TTC24: variants seen among roughly 807,000 people sequenced by gnomAD.
TTC24 encodes the protein tetratricopeptide repeat protein 24.
In TTC24, 54 loss-of-function variants were observed where a neutral mutation model predicts 63.3. The ratio of observed to expected loss-of-function variants is 0.85; its 90% CI spans 0.69 to 1.07. The LOEUF is 1.07. Among genes scored for constraint, TTC24 ranks in the 50% least tolerant of loss-of-function variants. The probability of loss-of-function intolerance (pLI) is 0.00; values close to 1 mark genes in which losing one functional copy is unlikely to be tolerated. For synonymous variants in TTC24, 276 were observed against 304.3 expected (o/e 0.91, Z 0.97); for missense variants, 680 against 730.5 (o/e 0.93, Z 0.80).
chr1:156,580,903 C>T (rs1184524394), intron 1 of TTC24, among the ~76,000 whole-genome samples: 1 of 152,222 alleles, frequency 6.6e-6, no homozygotes, highest in Non-Finnish European at 1.5e-5. Flanking sequence ...GCAATTAACA[C>T]CACTATCCAT....
Position 156,583,504 on chromosome 1 carries a change from G to A in TTC24, c.1152+54G>A. On this transcript the variant is annotated intron_variant, in intron 5 of 10. Coordinates refer to ENST00000368236, the MANE Select transcript of TTC24 (RefSeq NM_001105669.4). This position sits in a 1 kb window ranked among gnomAD's most constrained non-coding sequence, Gnocchi z 4.0. ...CTCCCCTGCTATCCCTCTTCTGGCT[G>A]ACATTCCTGCCTTCACTCCTTGTCT... 1 of 1,418,992 alleles carries A rather than the reference G, an allele frequency of 7.0e-7. No individual in the cohort carries two copies. The allele number at this position is 1,418,992 out of a possible 1,614,324, so 87.9% of individuals were successfully genotyped here. A position where few individuals can be genotyped will look rare whatever the true frequency, so the allele number is the denominator to read the frequency against.
intron 1 of TTC24, among the ~76,000 whole-genome samples, chr1:156,580,021 G>T (rs1263173453): frequency 2.0e-5 from 3 of 152,156 alleles, no homozygotes; most frequent in African/African-American, 4.8e-5. Context: ...AAAAGCTTTT[G>T]CCCTTCAAGG....
In TTC24 at chr1:156,583,255, C is replaced by A. The variant is rs1677056775; in HGVS notation, c.1040-83C>A. On this transcript the variant is annotated intron_variant, in intron 4 of 10. Transcript: ENST00000368236. The surrounding 1 kb of genome is among the most constrained non-coding windows in gnomAD (Gnocchi z 4.0). Reference sequence around the variant, plus strand: ...CTGGCGGGGAGGCAGATGGGGGGAACTGAGGGTAGGGAGTGCCTCTGAGGG... The same window carrying A: ...CTGGCGGGGAGGCAGATGGGGGGAAATGAGGGTAGGGAGTGCCTCTGAGGG... The A allele has an allele frequency of 1.2e-6, 2 of 1,607,262 alleles. No individual in the cohort carries two copies. Among genetic ancestry groups the A allele is most frequent in the African/African-American group, 2.7e-5 (2 of 74,134 alleles).
At chr1:156,585,920 G>T in intron 9 of TTC24, 29 bp from the exon 10 acceptor site, 1 of 1,599,634 alleles carries the variant, frequency 6.3e-7, no homozygotes, top group Non-Finnish European at 8.6e-7. Context: ...AGAGGCACGT[G>T]ATGAATGTGT....
In TTC24 at chr1:156,581,774, TGGCCTGGTACCACAG is replaced by T; in HGVS notation, c.415_429del (p.Trp139_Ala143del). The stretch of plus-strand genomic sequence containing the variant: ...GCCCTCGGCGAGCTGCCTCAAGCTT[TGGCCTGGTACCACAG>T]GGCCCTGGGCCACTACCAGCCACAG... On this transcript the variant is annotated inframe_deletion, in exon 2 of 11. Coordinates refer to ENST00000368236, the MANE Select transcript of TTC24 (RefSeq NM_001105669.4). 1 of 1,551,664 alleles carries T rather than the reference TGGCCTGGTACCACAG, an allele frequency of 6.4e-7. No individual in the cohort carries two copies. The highest frequency in any genetic ancestry group is 1.4e-5 in the African/African-American group (1 of 73,182).
chr1:156,585,651 A>C (rs1677134843), intron 8 of TTC24, 62 bp from the exon 9 acceptor site: 2 of 1,192,208 alleles, frequency 1.7e-6, no homozygotes, highest in Non-Finnish European at 2.5e-6. Flanking sequence ...CTTGCAACTC[A>C]GGGAGCAGAG....
At chr1:156,581,340 C>A in intron 1 of TTC24, 21 bp from the exon 2 acceptor site, 2 of 1,453,928 alleles carry the variant, frequency 1.4e-6, no homozygotes, top group Non-Finnish European at 1.8e-6. Context: ...ACATACTGAG[C>A]CCTCTGTTCC....
rs1335130891 is a variant in TTC24, at chr1:156,581,915, A to G, written c.551A>G (p.Tyr184Cys). The G allele has an allele frequency of 1.6e-5, 24 of 1,548,100 alleles. No individual in the cohort carries two copies. Among genetic ancestry groups the G allele is most frequent in the Admixed American group, 4.0e-5 (2 of 50,350 alleles). The change falls in exon 2 of 11, where the codon TAT becomes TGT. Residue 184 changes from tyrosine (Y) to cysteine (C), a missense_variant. Physicochemically the swap from Tyr to Cys is radical, Grantham distance 194. Transcript: ENST00000368236. The stretch of plus-strand genomic sequence containing the variant: ...TGCCTGCAGGAAGCAAGCCAGGCCT[A>G]TGCTCAAGAGAGACAGCTGCGGGCC... ...AHCLQEASQA[Y>C]AQERQLRAAA...
chr1:156,580,074 A>G (rs1039627672), intron 1 of TTC24, among the ~76,000 whole-genome samples: 2 of 152,122 alleles, frequency 1.3e-5, no homozygotes, highest in African/African-American at 2.4e-5. Context: ...AGATGCTTGT[A>G]TTCAGGTTTA....
chr1:156,581,001 G>C (rs1340382681), intron 1 of TTC24, among the ~76,000 whole-genome samples: 1 of 152,068 alleles, frequency 6.6e-6, no homozygotes, highest in African/African-American at 2.4e-5. Context: ...ATCTAGTAGT[G>C]GGGGGAAGAC....
At position 156,583,247 on chromosome 1, in the gene TTC24, G is replaced by A; in HGVS notation, c.1039+77G>A. 6.2e-7 allele frequency: 1 copy of A among 1,609,380 alleles called. No homozygotes were observed. Among genetic ancestry groups the A allele is most frequent in the South Asian group, 1.1e-5 (1 of 90,720 alleles). ...CCTAGGGGCTGGCGGGGAGGCAGATGGGGGGAACTGAGGGTAGGGAGTGCC... is the reference window on the plus strand; with the variant it reads ...CCTAGGGGCTGGCGGGGAGGCAGATAGGGGGAACTGAGGGTAGGGAGTGCC... On this transcript the variant is annotated intron_variant, in intron 4 of 10. Transcript: ENST00000368236. This position sits in a 1 kb window ranked among gnomAD's most constrained non-coding sequence, Gnocchi z 4.0.
chr1:156,582,918 T>C, intron 3 of TTC24, 124 bp from the exon 4 acceptor site: 1 of 1,236,006 alleles, frequency 8.1e-7, no homozygotes, highest in Non-Finnish European at 1.1e-6. Context: ...CTCGGATGCA[T>C]CTGGAGTGTT....
chr1:156,582,182 C>T, intron 2 of TTC24, 49 bp from the exon 3 acceptor site: 13 of 1,508,958 alleles, frequency 8.6e-6, no homozygotes, highest in Non-Finnish European at 1.2e-5. Flanking sequence ...CTGTACCAGC[C>T]TCATTTATAT....
chr1:156,585,780 G>T lies in TTC24; in HGVS notation c.1524G>T (p.Lys508Asn). 6.2e-7 allele frequency: 1 copy of T among 1,613,946 alleles called. No individual in the cohort carries two copies. The highest frequency in any genetic ancestry group is 1.6e-4 in the Middle Eastern group (1 of 6,062). ...HLASSCPTFTKHTPCRGTVLG... is the reference protein window; with the variant it reads ...HLASSCPTFTNHTPCRGTVLG... ...CTTCTAGTTGCCCCACGTTTACCAA[G>T]CACACGCCCTGCAGAGGGACAGTCC... The change falls in exon 9 of 11, where the codon AAG (lysine) becomes AAT (asparagine). Residue 508 changes from lysine (K) to asparagine (N), a missense_variant. Coordinates refer to ENST00000368236, the MANE Select transcript of TTC24 (RefSeq NM_001105669.4).
Position 156,583,739 on chromosome 1 carries a change from C to G in TTC24, c.1153-58C>G, listed in dbSNP as rs979590721. ...TTCCTGTTTCCTTCTTCCCCAACCC[C>G]CAGAGGACCATAAGGTCCAGGCATT... On this transcript the variant is annotated intron_variant, in intron 5 of 10. Coordinates refer to ENST00000368236, the MANE Select transcript of TTC24 (RefSeq NM_001105669.4). This position sits in a 1 kb window ranked among gnomAD's most constrained non-coding sequence, Gnocchi z 4.0. 4 of 1,390,768 alleles carry G rather than the reference C, an allele frequency of 2.9e-6. No individual in the cohort carries two copies. In the Admixed American group the frequency reaches 6.0e-5, roughly 21 times the overall value. 86.2% of individuals were successfully genotyped at this position (1,390,768 alleles called of 1,614,324 possible). A position where few individuals can be genotyped will look rare whatever the true frequency, so the allele number is the denominator to read the frequency against.
Position 156,581,496 on chromosome 1 carries a change from T to C in TTC24, c.132T>C (p.His44=). 2.6e-6 allele frequency: 4 copies of C among 1,551,442 alleles called. No individual in the cohort carries two copies. The highest frequency in any genetic ancestry group is 3.5e-6 in the Non-Finnish European group (4 of 1,146,800). ...ASIQALTRAG[H]GALQAGQNHE... is the part of the protein sequence containing the mutation. ...TCCAAGCCCTCACCAGGGCTGGCCA[T>C]GGGGCCCTTCAGGCTGGCCAGAACC... The change falls in exon 2 of 11, where the codon CAT becomes CAC. Residue 44 remains histidine (H), a synonymous_variant. Coordinates refer to ENST00000368236, the MANE Select transcript of TTC24 (RefSeq NM_001105669.4).
intron 7 of TTC24, 70 bp from the exon 8 acceptor site, chr1:156,585,055 T>C: frequency 1.3e-6 from 2 of 1,532,842 alleles, no homozygotes; most frequent in Admixed American, 3.7e-5. Context: ...TAGGACCCCA[T>C]GTGTATCCCC....
In TTC24 at chr1:156,587,695, A is replaced by G. The variant is rs931967615; in HGVS notation, c.*1145A>G. On this transcript the variant is annotated 3_prime_UTR_variant, in exon 11 of 11. Transcript: ENST00000368236. ...AATGTAAAAGAAAATTTATCTTTAAAAAAAAATAAATTGATGAACTGAGAG... is the reference window on the plus strand; with the variant it reads ...AATGTAAAAGAAAATTTATCTTTAAGAAAAAATAAATTGATGAACTGAGAG... Among the ~76,000 whole-genome samples the G allele has an allele frequency of 1.3e-5, 2 of 152,170 alleles. No homozygotes were observed. The highest frequency in any genetic ancestry group is 2.9e-5 in the Non-Finnish European group (2 of 68,036).
intron 9 of TTC24, 34 bp downstream of exon 9, chr1:156,585,860 C>G: frequency 1.3e-6 from 2 of 1,592,772 alleles, no homozygotes; most frequent in Middle Eastern, 1.7e-4. Flanking sequence ...CGCCCCAACT[C>G]GTGGTTCTTC....
Sources: allele counts gnomAD v4.1 joint callset (sites outside exome capture counted in the v4.1 genomes callset), GRCh38; gene constraint gnomAD v4.1.1; non-coding constraint Gnocchi (gnomAD v3.1); transcripts MANE v1.5; gene names NCBI Gene and HGNC (gene_info 2026-07-23, HGNC 2026-07-21).